The following EIF3H variants were observed in gnomAD, a reference collection of about 807,000 sequenced individuals.
EIF3H encodes eukaryotic translation initiation factor 3 subunit H.
Under a neutral mutation model 44.2 loss-of-function variants are expected in EIF3H, and 26 were observed. That is an observed-to-expected ratio of 0.59 (90% CI 0.43 to 0.82). EIF3H has a LOEUF of 0.82. Ranked by LOEUF, EIF3H falls within the 40% of genes least tolerant of loss-of-function variation. The pLI, the probability that EIF3H is intolerant of heterozygous loss-of-function variation, is 0.00. For synonymous variants in EIF3H, 166 were observed against 151.9 expected (o/e 1.09, Z -0.68); for missense variants, 359 against 432.8 (o/e 0.83, Z 1.51).
upstream of EIF3H, chr8:116,766,338 G>C: frequency 2.5e-6 from 1 of 396,478 alleles, no homozygotes; most frequent in Non-Finnish European, 4.5e-6. Flanking sequence ...GCCCCCGTGC[G>C]GAATCGCGCA....
chr8:116,746,256 C>T lies in EIF3H; in HGVS notation c.132+9410G>A, dbSNP rs1392867279. On this transcript the variant is annotated intron_variant, in intron 1 of 7. Coordinates refer to ENST00000521861, the MANE Select transcript of EIF3H (RefSeq NM_003756.3). ...ACCTGAGTTCTGAAAAACATATTTC[C>T]CAATGCTCAAACAAGAAGCACTAGA... Among the ~76,000 whole-genome samples, 3 of 152,248 alleles carry T rather than the reference C, an allele frequency of 2.0e-5. No individual in the cohort carries two copies. In the East Asian group the frequency reaches 5.8e-4, roughly 29 times the overall value.
upstream of EIF3H, chr8:116,756,121 A>G: frequency 9.8e-7 from 1 of 1,015,432 alleles, no homozygotes; most frequent in Non-Finnish European, 1.5e-6. Flanking sequence ...TCTCTTATGT[A>G]AAAATGCTTT....
chr8:116,755,537 C>T, intron 1 of EIF3H, 129 bp downstream of exon 1: 1 of 1,219,934 alleles, frequency 8.2e-7, no homozygotes, highest in African/African-American at 1.5e-5. Context: ...GAAAGAGAAA[C>T]GTACTAGGGA....
In EIF3H at chr8:116,726,885, A is replaced by G. The variant is rs543644636; in HGVS notation, c.133-713T>C. 3.3e-5 allele frequency among the ~76,000 whole-genome samples: 5 copies of G among 152,368 alleles called. No homozygotes were observed. The South Asian group carries it at 6.2e-4, about 19-fold the overall frequency. On this transcript the variant is annotated intron_variant, in intron 1 of 7. Coordinates refer to ENST00000521861, the MANE Select transcript of EIF3H (RefSeq NM_003756.3). The stretch of plus-strand genomic sequence containing the variant: ...AAGTCTGCAATAATCATAATCATTA[A>G]TAATTCCTACAACATGGCGTTAATA...
rs747788393 is a variant in EIF3H, at chr8:116,646,425, T to C, written c.961+46A>G. On this transcript the variant is annotated intron_variant, in intron 7 of 7. Coordinates refer to ENST00000521861, the MANE Select transcript of EIF3H (RefSeq NM_003756.3). ...AAATTTCTCACTGTCTTCTGCTTCCTAAGAAACGAACAAAACCAGCCAGGT... is the reference window on the plus strand; with the variant it reads ...AAATTTCTCACTGTCTTCTGCTTCCCAAGAAACGAACAAAACCAGCCAGGT... 9 of 1,613,358 alleles carry C rather than the reference T, an allele frequency of 5.6e-6. No individual in the cohort carries two copies. In the African/African-American group the frequency reaches 1.2e-4, roughly 22 times the overall value.
chr8:116,746,792 T>C (rs1406075972), intron 1 of EIF3H, among the ~76,000 whole-genome samples: 4 of 152,202 alleles, frequency 2.6e-5, no homozygotes, highest in Admixed American at 6.5e-5. Flanking sequence ...AATGTCAGAC[T>C]GCATAACGAA....
intron 2 of EIF3H, among the ~76,000 whole-genome samples, chr8:116,704,380 T>C (rs1324059450): frequency 5.9e-5 from 9 of 152,220 alleles, no homozygotes; most frequent in Admixed American, 5.9e-4. Context: ...GTGACTGTAA[T>C]GTTATCATTA....
intron 5 of EIF3H, among the ~76,000 whole-genome samples, chr8:116,652,572 A>G (rs1813412381): frequency 6.6e-6 from 1 of 152,204 alleles, no homozygotes; most frequent in Non-Finnish European, 1.5e-5. Flanking sequence ...AGTCATGTCT[A>G]CAATTTACTT....
chr8:116,661,842 A>G (rs1813591166), intron 2 of EIF3H, among the ~76,000 whole-genome samples: 1 of 152,206 alleles, frequency 6.6e-6, no homozygotes, highest in Non-Finnish European at 1.5e-5. Context: ...GATAAGGGTA[A>G]GAATGAAAAT....
chr8:116,683,161 T>C (rs1414105536), intron 2 of EIF3H, among the ~76,000 whole-genome samples: 11 of 152,238 alleles, frequency 7.2e-5, no homozygotes, highest in African/African-American at 2.4e-4. Context: ...TTAGTATAGA[T>C]AGAGATCAGG....
At chr8:116,647,632 A>T (rs1004231518) in intron 6 of EIF3H, among the ~76,000 whole-genome samples, 2 of 152,236 alleles carry the variant, frequency 1.3e-5, no homozygotes, top group African/African-American at 2.4e-5. Flanking sequence ...TATCCCATAC[A>T]CAACCTTAAA....
rs757512306 is a variant in EIF3H at position 116,642,337 on chromosome 8, G to A, written c.*2669C>T. ...GACATTAAAACTTAAATATTTAGAT[G>A]CTGTATATGAGAAATCACACCAAGC... On this transcript the variant is annotated 3_prime_UTR_variant, in exon 8 of 8. Coordinates refer to ENST00000521861, the MANE Select transcript of EIF3H (RefSeq NM_003756.3). 2 of 152,090 alleles carry A rather than the reference G, an allele frequency of 1.3e-5. No individual in the cohort carries two copies. Among genetic ancestry groups the A allele is most frequent in the African/African-American group, 2.4e-5 (1 of 41,426 alleles). 9.4% of individuals were successfully genotyped at this position (152,090 alleles called of 1,614,324 possible).
intron 2 of EIF3H, among the ~76,000 whole-genome samples, chr8:116,659,980 G>A (rs933308862): frequency 3.8e-4 from 57 of 151,966 alleles, no homozygotes; most frequent in African/African-American, 7.2e-4. Flanking sequence ...TCTGCCTCCC[G>A]GGCTCAAGTG....
At chr8:116,732,794 C>G (rs1242099495) in intron 1 of EIF3H, among the ~76,000 whole-genome samples, 1 of 152,178 alleles carries the variant, frequency 6.6e-6, no homozygotes, top group Non-Finnish European at 1.5e-5. Context: ...ATTTTTAGAA[C>G]AGCAAGTCTC....
At chr8:116,732,698 G>C (rs1814971950) in intron 1 of EIF3H, among the ~76,000 whole-genome samples, 1 of 151,890 alleles carries the variant, frequency 6.6e-6, no homozygotes, top group Admixed American at 6.6e-5. Context: ...TATTTACTGA[G>C]TGACTTTTCA....
intron 2 of EIF3H, among the ~76,000 whole-genome samples, chr8:116,716,336 A>G (rs1210842638): frequency 6.6e-6 from 1 of 152,080 alleles, no homozygotes; most frequent in Non-Finnish European, 1.5e-5. Flanking sequence ...GCAACCATGA[A>G]TTACAACTTA....
chr8:116,645,882 T>G (rs943638128), intron 7 of EIF3H, among the ~76,000 whole-genome samples: 1 of 152,252 alleles, frequency 6.6e-6, no homozygotes, highest in African/African-American at 2.4e-5. Context: ...GGTAAGGATC[T>G]GACTGAATCA....
At chr8:116,645,717 GAATTGTGT>G (rs1258524119) in intron 7 of EIF3H, among the ~76,000 whole-genome samples, 18 of 152,304 alleles carry the variant, frequency 1.2e-4, no homozygotes, top group African/African-American at 4.3e-4. Flanking sequence ...CTTTGGGAAG[GAATTGTGT>G]CTCATTTCCA....
intron 1 of EIF3H, among the ~76,000 whole-genome samples, chr8:116,730,892 A>C (rs1026121683): frequency 1.3e-4 from 20 of 152,218 alleles, no homozygotes; most frequent in African/African-American, 4.6e-4. Context: ...CACCCTGTGA[A>C]GTCAGTTATA....
Sources: gnomAD v4.1 joint callset for allele counts (sites outside exome capture counted in the v4.1 genomes callset) on GRCh38, gnomAD v4.1.1 for gene constraint, MANE v1.5 for transcripts, NCBI Gene and HGNC (gene_info 2026-07-23, HGNC 2026-07-21) for gene names.